VWA8: variants seen among roughly 807,000 people sequenced by gnomAD.
VWA8 encodes von Willebrand factor A domain-containing protein 8.
In VWA8, 221 loss-of-function variants were observed where a neutral mutation model predicts 241.5. The ratio of observed to expected loss-of-function variants is 0.91; its 90% CI spans 0.82 to 1.02. The LOEUF is 1.02. Ranked by LOEUF, VWA8 falls within the 50% of genes least tolerant of loss-of-function variation. VWA8 has a pLI of 0.00. For synonymous variants in VWA8, 852 were observed against 827.1 expected (o/e 1.03, Z -0.52); for missense variants, 2,322 against 2,328.7 (o/e 1.00, Z 0.06).
rs777868653 is a variant in VWA8 at position 41,568,384 on chromosome 13, C to T, written c.5610-79G>A. 2.7e-6 allele frequency: 3 copies of T among 1,127,438 alleles called. No individual in the cohort carries two copies. The East Asian group carries it at 7.1e-5, about 27-fold the overall frequency. 69.8% of individuals were successfully genotyped at this position (1,127,438 alleles called of 1,614,324 possible). ...ACCTCCTGCCCTGGCAAACCACAGC[C>T]CCCTAATGGTTTCTTAGGAAAGGAA... On this transcript the variant is annotated intron_variant, in intron 44 of 44. Transcript: ENST00000379310.
chr13:41,914,939 T>G (rs1370075224), intron 2 of VWA8, among the ~76,000 whole-genome samples: 1 of 152,234 alleles, frequency 6.6e-6, no homozygotes, highest in Non-Finnish European at 1.5e-5. Context: ...ATACTTCCAG[T>G]TTGTTTTGAA....
rs76175517 is a variant in VWA8, at chr13:41,667,711, A to C, written c.4611+3235T>G. Among the ~76,000 whole-genome samples, 289 of 152,342 alleles carry C rather than the reference A, an allele frequency of 1.9e-3. 1 individual carries two copies. The highest frequency in any genetic ancestry group is 7.9e-3 in the East Asian group (41 of 5,188). On this transcript the variant is annotated intron_variant, in intron 37 of 44. Coordinates refer to ENST00000379310, the MANE Select transcript of VWA8 (RefSeq NM_015058.2). ...TTAACAGCTTTCTTGGAAGGAAGAC[A>C]AATGTAACTAAGTATGAATAATATA...
chr13:41,605,270 C>G lies in VWA8; in HGVS notation c.4884G>C (p.Lys1628Asn). 6.2e-7 allele frequency: 1 copy of G among 1,612,754 alleles called. No individual in the cohort carries two copies. Among genetic ancestry groups the G allele is most frequent in the Non-Finnish European group, 8.5e-7 (1 of 1,179,158 alleles). ...MGQRAFQQRL[K>N]EIQMSEYDAA... ...CATCGTATTCACTCATTTGGATCTCCTTTAGCCTGAAATCAGAAGAGTATA... is the reference window on the plus strand; with the variant it reads ...CATCGTATTCACTCATTTGGATCTCGTTTAGCCTGAAATCAGAAGAGTATA... Residue 1628 changes from lysine to asparagine, a missense_variant, in exon 40 of 45, where the codon AAG becomes AAC. Transcript: ENST00000379310.
At chr13:41,691,288 T>C (rs765332718) in intron 32 of VWA8, 32 bp downstream of exon 32, 4 of 1,600,074 alleles carry the variant, frequency 2.5e-6, no homozygotes, top group Non-Finnish European at 3.4e-6. Context: ...AGCTACAACA[T>C]ACTCCATGAT....
intron 1 of VWA8, among the ~76,000 whole-genome samples, chr13:41,953,519 G>T (rs905652329): frequency 6.6e-6 from 1 of 152,170 alleles, no homozygotes; most frequent in Non-Finnish European, 1.5e-5. Flanking sequence ...GGAATTTAAA[G>T]ATGAGACCAG....
chr13:41,650,255 C>T (rs537802097), intron 37 of VWA8, among the ~76,000 whole-genome samples: 1 of 152,246 alleles, frequency 6.6e-6, no homozygotes, highest in South Asian at 2.1e-4. Flanking sequence ...TTACAACAAT[C>T]CTGTGAGGTA....
At chr13:41,811,148 G>T in intron 17 of VWA8, 77 bp downstream of exon 17, 2 of 1,236,656 alleles carry the variant, frequency 1.6e-6, no homozygotes, top group Non-Finnish European at 2.3e-6. Context: ...TTGGGAATAT[G>T]CACCATCAGT....
rs565169266 is a variant in VWA8 at position 41,930,925 on chromosome 13, C to T, written c.242-18757G>A. On this transcript the variant is annotated intron_variant, in intron 2 of 44. Coordinates refer to ENST00000379310, the MANE Select transcript of VWA8 (RefSeq NM_015058.2). ...CAGCACTTTGAGAGGCCGAGGCGGG[C>T]GGATCACGAGGTCAAGAGATTGAGA... Among the ~76,000 whole-genome samples the T allele has an allele frequency of 1.7e-3, 265 of 151,900 alleles. 1 individual carries two copies. The highest frequency in any genetic ancestry group is 6.1e-3 in the African/African-American group (251 of 41,430).
chr13:41,740,812 T>C (rs539777519), intron 21 of VWA8, among the ~76,000 whole-genome samples: 1 of 152,316 alleles, frequency 6.6e-6, no homozygotes, highest in Admixed American at 6.5e-5. Context: ...TCCCGTTTTC[T>C]CATCTGAGTT....
chr13:41,719,413 C>T lies in VWA8; in HGVS notation c.3116+178G>A, dbSNP rs1387480262. 1.1e-5 allele frequency: 15 copies of T among 1,424,340 alleles called. No individual in the cohort carries two copies. The East Asian group carries it at 3.4e-4, about 32-fold the overall frequency. The allele number at this position is 1,424,340 out of a possible 1,614,324, so 88.2% of individuals were successfully genotyped here. On this transcript the variant is annotated intron_variant, in intron 26 of 44. Transcript: ENST00000379310. ...CATAATAATCAAAATTTTCAATTTA[C>T]AGGCCTATAAATAATGCTATTTAAC... is the stretch of plus-strand genomic sequence containing the variant.
At chr13:41,614,587 A>G (rs538495443) in intron 38 of VWA8, among the ~76,000 whole-genome samples, 1 of 152,362 alleles carries the variant, frequency 6.6e-6, no homozygotes, top group South Asian at 2.1e-4. Flanking sequence ...TCCCAAGGTC[A>G]TGGAATTTAA....
At chr13:41,671,349 G>A (rs996790234) in intron 36 of VWA8, among the ~76,000 whole-genome samples, 5 of 151,966 alleles carry the variant, frequency 3.3e-5, no homozygotes, top group African/African-American at 1.2e-4. Context: ...CATGCCCAGG[G>A]TTCGTAAGCA....
chr13:41,680,299 T>C (rs958360256), intron 35 of VWA8, among the ~76,000 whole-genome samples: 4 of 152,194 alleles, frequency 2.6e-5, no homozygotes, highest in African/African-American at 9.6e-5. Flanking sequence ...TTTATCAATT[T>C]CAATTTCTAA....
At chr13:41,817,418 A>T (rs909024147) in intron 15 of VWA8, among the ~76,000 whole-genome samples, 6 of 152,220 alleles carry the variant, frequency 3.9e-5, no homozygotes, top group Non-Finnish European at 8.8e-5. Flanking sequence ...ATTTTTGTTT[A>T]AGCAATAACA....
chr13:41,860,363 A>T (rs1388008894), intron 12 of VWA8, among the ~76,000 whole-genome samples: 1 of 152,204 alleles, frequency 6.6e-6, no homozygotes, highest in Non-Finnish European at 1.5e-5. Flanking sequence ...TGTACAAAGG[A>T]TGGGTAAATG....
chr13:41,675,454 T>C (rs994270992), intron 35 of VWA8, among the ~76,000 whole-genome samples, 158 bp from the exon 36 acceptor site: 3 of 152,202 alleles, frequency 2.0e-5, no homozygotes, highest in Non-Finnish European at 4.4e-5. Context: ...CTGAGAAATA[T>C]GCTTCCCTCA....
chr13:41,663,224 TA>T (rs35241585), intron 37 of VWA8, among the ~76,000 whole-genome samples: 12 of 151,010 alleles, frequency 7.9e-5, no homozygotes, highest in African/African-American at 2.7e-4. Flanking sequence ...TTCAGTTACA[TA>T]AAAAAAAAGT....
rs186146928 is a variant in VWA8 at position 41,644,073 on chromosome 13, A to G, written c.4611+26873T>C. ...TGTTAAGTTCATACAGACAGACTTC[A>G]TTGAAATTTAAGGGCAACAATTTTA... On this transcript the variant is annotated intron_variant, in intron 37 of 44. Transcript: ENST00000379310. Among the ~76,000 whole-genome samples the G allele has an allele frequency of 2.2e-3, 342 of 152,246 alleles. 2 individuals carry two copies. Among genetic ancestry groups the G allele is most frequent in the Non-Finnish European group, 4.2e-3 (287 of 68,002 alleles).
chr13:41,871,699 C>G (rs1294890139), intron 9 of VWA8, among the ~76,000 whole-genome samples: 2 of 152,012 alleles, frequency 1.3e-5, no homozygotes, highest in Admixed American at 6.6e-5. Context: ...TTAATCCAGT[C>G]TATCGTTGTT....
Sources: gnomAD v4.1 joint callset for allele counts (sites outside exome capture counted in the v4.1 genomes callset) on GRCh38, gnomAD v4.1.1 for gene constraint, MANE v1.5 for transcripts, NCBI Gene and HGNC (gene_info 2026-07-23, HGNC 2026-07-21) for gene names.